Variants in ACTR3C observed in about 807,000 individuals in gnomAD.
The protein encoded by ACTR3C is actin related protein 3C, also known as actin-related protein 3C.
A neutral mutation model predicts 26.3 loss-of-function variants in ACTR3C; 18 were observed. The ratio of observed to expected loss-of-function variants is 0.68; its 90% CI spans 0.47 to 1.01. The LOEUF (loss-of-function observed/expected upper bound fraction) is 1.01. Ranked by LOEUF, ACTR3C falls within the 50% of genes least tolerant of loss-of-function variation. The pLI is 0.00. For missense variants in ACTR3C, 184 were observed against 250.7 expected (o/e 0.73, Z 1.80); for synonymous variants, 55 against 94.5 (o/e 0.58, Z 2.42).
chr7:150,042,943 G>T, the ACTR3C span, among the ~76,000 whole-genome samples: 3 of 150,820 alleles, frequency 2.0e-5, no homozygotes, highest in East Asian at 5.8e-4. Flanking sequence ...TGAAAGACTC[G>T]CTGTTGTCGG....
the ACTR3C span, among the ~76,000 whole-genome samples, chr7:150,124,974 T>C: frequency 1.3e-5 from 2 of 152,194 alleles, no homozygotes; most frequent in African/African-American, 4.8e-5. Flanking sequence ...CGACCTCACA[T>C]TGAGTGACGG....
the ACTR3C span, among the ~76,000 whole-genome samples, chr7:150,148,883 G>T: frequency 6.6e-6 from 1 of 151,700 alleles, no homozygotes; most frequent in Non-Finnish European, 1.5e-5. Context: ...ATATGTAAAT[G>T]AATTCTATAT....
At chr7:150,040,269 C>G in the ACTR3C span, among the ~76,000 whole-genome samples, 1 of 147,606 alleles carries the variant, frequency 6.8e-6, no homozygotes, top group Non-Finnish European at 1.5e-5. Context: ...ACGTAGGCTA[C>G]CGGCCTCAGC....
chr7:149,959,840 C>T, the ACTR3C span, among the ~76,000 whole-genome samples: 1 of 152,318 alleles, frequency 6.6e-6, no homozygotes, highest in Non-Finnish European at 1.5e-5. Flanking sequence ...AGTTCTCTTC[C>T]CAGGTCATGG....
At chr7:150,273,279 C>A (rs958426360) in intron 6 of ACTR3C, among the ~76,000 whole-genome samples, 4 of 133,200 alleles carry the variant, frequency 3.0e-5, no homozygotes, top group Non-Finnish European at 6.0e-5. Flanking sequence ...GAGCACAGAC[C>A]AACCTTTTTT....
chr7:150,035,986 G>GCAC, the ACTR3C span, among the ~76,000 whole-genome samples: 1 of 131,422 alleles, frequency 7.6e-6, no homozygotes, highest in African/African-American at 3.1e-5. Context: ...CTCAGTCCCT[G>GCAC]CCTCGCGGGG....
At chr7:149,991,391 G>A in the ACTR3C span, among the ~76,000 whole-genome samples, 1 of 152,170 alleles carries the variant, frequency 6.6e-6, no homozygotes, top group Non-Finnish European at 1.5e-5. Flanking sequence ...CTCAAACTGG[G>A]CTGTGGTGGG....
the ACTR3C span, among the ~76,000 whole-genome samples, chr7:150,171,567 TAAG>T: frequency 0.14 from 21,374 of 150,072 alleles, 3,212 homozygotes; most frequent in African/African-American, 0.32. Flanking sequence ...GTTTCCATCT[TAAG>T]AAACTAGAAA....
chr7:149,969,504 C>A, the ACTR3C span, among the ~76,000 whole-genome samples: 1 of 152,082 alleles, frequency 6.6e-6, no homozygotes, highest in African/African-American at 2.4e-5. Flanking sequence ...TCTTCTCCAG[C>A]GCAAGTAAAG....
the ACTR3C span, among the ~76,000 whole-genome samples, chr7:149,893,622 T>C: frequency 2.0e-5 from 3 of 152,152 alleles, no homozygotes; most frequent in Non-Finnish European, 2.9e-5. Context: ...GCTATCAGAA[T>C]AGACATTAGA....
At chr7:150,198,944 C>T in the ACTR3C span, among the ~76,000 whole-genome samples, 2 of 136,816 alleles carry the variant, frequency 1.5e-5, no homozygotes, top group Non-Finnish European at 3.1e-5. Context: ...GGGGTCAGCC[C>T]CCTGCCCGGC....
the ACTR3C span, among the ~76,000 whole-genome samples, chr7:149,973,078 G>A: frequency 6.6e-6 from 1 of 151,964 alleles, no homozygotes; most frequent in East Asian, 1.9e-4. Flanking sequence ...CCCCAGGTAA[G>A]CCCCACGAGC....
At chr7:150,069,256 A>G in the ACTR3C span, among the ~76,000 whole-genome samples, 1 of 152,146 alleles carries the variant, frequency 6.6e-6, no homozygotes, top group Non-Finnish European at 1.5e-5. Flanking sequence ...AGACTTTAAT[A>G]AAAATAATTA....
chr7:150,275,721 A>T (rs1563169195), intron 6 of ACTR3C, among the ~76,000 whole-genome samples: 1 of 152,072 alleles, frequency 6.6e-6, no homozygotes, highest in African/African-American at 2.4e-5. Flanking sequence ...TCAAAAAAAA[A>T]ACAAAACAAA....
At chr7:150,249,240 T>C (rs1270020316) in intron 6 of ACTR3C, among the ~76,000 whole-genome samples, 186 bp from the exon 7 acceptor site, 1 of 152,158 alleles carries the variant, frequency 6.6e-6, no homozygotes, top group East Asian at 1.9e-4. Flanking sequence ...TCTGAAACCA[T>C]GGAGACCAGA....
At chr7:150,201,719 C>T in the ACTR3C span, among the ~76,000 whole-genome samples, 1 of 151,140 alleles carries the variant, frequency 6.6e-6, no homozygotes, top group Middle Eastern at 3.4e-3. Flanking sequence ...GATTGTACCA[C>T]TGTACTCCAG....
At chr7:150,023,162 TATATAG>T in the ACTR3C span, among the ~76,000 whole-genome samples, 2 of 87,310 alleles carry the variant, frequency 2.3e-5, no homozygotes, top group Admixed American at 1.1e-4. Flanking sequence ...TATAGATATC[TATATAG>T]ATATATAGAT....
chr7:150,153,025 CTCTTTTCT>C, the ACTR3C span, among the ~76,000 whole-genome samples: 2 of 152,102 alleles, frequency 1.3e-5, no homozygotes, highest in Non-Finnish European at 2.9e-5. Flanking sequence ...TGATTCTTCT[CTCTTTTCT>C]TCTTTATTAG....
chr7:150,158,791 TACAC>T, the ACTR3C span, among the ~76,000 whole-genome samples: 6 of 151,748 alleles, frequency 4.0e-5, no homozygotes, highest in South Asian at 4.2e-4. Flanking sequence ...TCATCACACA[TACAC>T]ACACACACGC....
Sources: allele counts gnomAD v4.1 joint callset (sites outside exome capture counted in the v4.1 genomes callset), GRCh38; gene constraint gnomAD v4.1.1; transcripts MANE v1.5; gene names NCBI Gene and HGNC (gene_info 2026-07-23, HGNC 2026-07-21).